Variants in RPTOR observed in about 807,000 individuals in gnomAD.
The protein encoded by RPTOR is regulatory-associated protein of mTOR.
A neutral mutation model predicts 169.9 loss-of-function variants in RPTOR; 21 were observed. The observed-to-expected ratio is 0.12, with a 90% confidence interval of 0.09 to 0.18. The LOEUF is 0.18. Ranked by LOEUF, RPTOR falls within the 10% of genes least tolerant of loss-of-function variation. The pLI, the probability that RPTOR is intolerant of heterozygous loss-of-function variation, is 1.00. For synonymous variants in RPTOR, 732 were observed against 753.2 expected, an observed-to-expected ratio of 0.97 and a Z score of 0.46; for missense variants, 1,133 against 1,855.9, an observed-to-expected ratio of 0.61 and a Z score of 7.16.
intron 1 of RPTOR, among the ~76,000 whole-genome samples, chr17:80,584,702 G>A (rs570501027): frequency 6.6e-6 from 1 of 152,260 alleles, no homozygotes; most frequent in South Asian, 2.1e-4. Context: ...TCAGCTTCAC[G>A]GGCCTGTCCG....
At chr17:80,955,484 C>T (rs1430569552) in intron 28 of RPTOR, among the ~76,000 whole-genome samples, 1 of 152,068 alleles carries the variant, frequency 6.6e-6, no homozygotes, top group African/African-American at 2.4e-5. Flanking sequence ...GGAAATCTTC[C>T]TAACAGTGAG....
chr17:80,850,201 C>T (rs1391892809), intron 11 of RPTOR, among the ~76,000 whole-genome samples: 1 of 152,188 alleles, frequency 6.6e-6, no homozygotes, highest in African/African-American at 2.4e-5. Flanking sequence ...AATTTCTCAG[C>T]CCTCAGCCCC....
chr17:80,630,465 A>G lies in RPTOR; in HGVS notation c.265+4672A>G, dbSNP rs185864125. Among the ~76,000 whole-genome samples, 16 of 152,318 alleles carry G rather than the reference A, an allele frequency of 1.1e-4. No individual in the cohort carries two copies. In the East Asian group the frequency reaches 2.9e-3, roughly 28 times the overall value. On this transcript the variant is annotated intron_variant, in intron 2 of 33. Transcript: ENST00000306801. Reference sequence around the variant, plus strand: ...AGATGTGTGCCTGCATGTGTGTATAAGTATGTATGTATGTATGCATGCATG... The same window carrying G: ...AGATGTGTGCCTGCATGTGTGTATAGGTATGTATGTATGTATGCATGCATG...
At chr17:80,585,619 C>G (rs914226020) in intron 1 of RPTOR, among the ~76,000 whole-genome samples, 2 of 152,294 alleles carry the variant, frequency 1.3e-5, no homozygotes, top group Non-Finnish European at 2.9e-5. Context: ...GTAGGGTGGT[C>G]CTGAGTGTGC....
chr17:80,634,635 GTGTGTGCATACTGTA>G (rs1363071283), intron 2 of RPTOR, among the ~76,000 whole-genome samples: 1 of 136,948 alleles, frequency 7.3e-6, no homozygotes, highest in African/African-American at 2.8e-5. Flanking sequence ...TGCGTACTGT[GTGTGTGCATACTGTA>G]TGTGCGTACT....
chr17:80,926,890 G>A (rs1389339668), intron 24 of RPTOR, among the ~76,000 whole-genome samples: 5 of 152,198 alleles, frequency 3.3e-5, no homozygotes, highest in South Asian at 2.1e-4. Context: ...CTTTAGAGTC[G>A]GGGGAAAAGA....
intron 9 of RPTOR, among the ~76,000 whole-genome samples, chr17:80,826,981 A>G (rs1184536519): frequency 6.6e-6 from 1 of 152,184 alleles, no homozygotes; most frequent in Non-Finnish European, 1.5e-5. Flanking sequence ...TGACGTGAGC[A>G]TGAAGGGAGC....
At chr17:80,551,707 C>T (rs1338611377) in intron 1 of RPTOR, among the ~76,000 whole-genome samples, 2 of 152,048 alleles carry the variant, frequency 1.3e-5, no homozygotes, top group Non-Finnish European at 2.9e-5. Flanking sequence ...GTCTCAACTG[C>T]AAGAGGCATG....
intron 11 of RPTOR, among the ~76,000 whole-genome samples, chr17:80,853,775 A>G (rs754425091): frequency 2.0e-5 from 3 of 152,200 alleles, no homozygotes; most frequent in Non-Finnish European, 2.9e-5. Flanking sequence ...TCAGGAGATC[A>G]AGACCATCCT....
At chr17:80,789,968 C>G (rs2067030731) in intron 6 of RPTOR, among the ~76,000 whole-genome samples, 1 of 152,194 alleles carries the variant, frequency 6.6e-6, no homozygotes, top group South Asian at 2.1e-4. Context: ...GACAAAGTAG[C>G]ATGGTTCGCA....
At chr17:80,797,932 G>A (rs560208872) in intron 7 of RPTOR, among the ~76,000 whole-genome samples, 108 of 152,268 alleles carry the variant, frequency 7.1e-4, no homozygotes, top group Non-Finnish European at 2.2e-4. Flanking sequence ...GCAGCCGTGC[G>A]GTACAGTTGA....
At chr17:80,962,348 C>A in intron 31 of RPTOR, 113 bp from the exon 32 acceptor site, 2 of 823,046 alleles carry the variant, frequency 2.4e-6, no homozygotes, top group Non-Finnish European at 4.0e-6. Context: ...TTTCCTTGAG[C>A]AGTGTGTGTG....
chr17:80,662,798 G>T (rs1193307911), intron 3 of RPTOR, among the ~76,000 whole-genome samples: 11 of 152,096 alleles, frequency 7.2e-5, no homozygotes, highest in Admixed American at 6.6e-4. Context: ...CTAATCTCAT[G>T]GCCTTTCATA....
Position 80,876,817 on chromosome 17 carries a change from G to A in RPTOR, c.1510-3598G>A, listed in dbSNP as rs71373052. On this transcript the variant is annotated intron_variant, in intron 13 of 33. Coordinates refer to ENST00000306801, the MANE Select transcript of RPTOR (RefSeq NM_020761.3). ...CCGTGCCACACAGGGTGTGTGTGTC[G>A]CCTGCCGGGTCTTCCACCGAGCCCG... Among the ~76,000 whole-genome samples the A allele has an allele frequency of 4.3e-4, 52 of 120,882 alleles. 1 individual carries two copies. Among genetic ancestry groups the A allele is most frequent in the African/African-American group, 1.6e-3 (47 of 30,172 alleles). 79.3% of individuals were successfully genotyped at this position (120,882 alleles called of 152,430 possible). A position where few individuals can be genotyped will look rare whatever the true frequency, so the allele number is the denominator to read the frequency against.
chr17:80,599,472 G>T (rs1458879791), intron 1 of RPTOR, among the ~76,000 whole-genome samples: 2 of 152,248 alleles, frequency 1.3e-5, no homozygotes, highest in African/African-American at 4.8e-5. Context: ...GGAGCCAGGT[G>T]TGGCCATAAT....
Position 80,746,475 on chromosome 17 carries a change from CT to C in RPTOR, c.655-7529del. Among the ~76,000 whole-genome samples, 1 of 152,352 alleles carries C rather than the reference CT, an allele frequency of 6.6e-6. No homozygotes were observed. The highest frequency in any genetic ancestry group is 1.9e-4 in the East Asian group (1 of 5,184). ...CACGTGGGAACAATGCAGCAGATGT[CT>C]TTTTTGGATCCGGTTGCTGTGTATC... On this transcript the variant is annotated intron_variant, in intron 5 of 33. Transcript: ENST00000306801. This position sits in a 1 kb window ranked among gnomAD's most constrained non-coding sequence, Gnocchi z 4.5.
At chr17:80,836,535 C>G (rs1176978957) in intron 9 of RPTOR, among the ~76,000 whole-genome samples, 1 of 152,168 alleles carries the variant, frequency 6.6e-6, no homozygotes, top group Non-Finnish European at 1.5e-5. Flanking sequence ...GCAGCTGACA[C>G]AAAGCAGGGG....
At chr17:80,741,075 T>C (rs563416974) in intron 5 of RPTOR, among the ~76,000 whole-genome samples, 9 of 152,296 alleles carry the variant, frequency 5.9e-5, no homozygotes, top group Non-Finnish European at 8.8e-5. Context: ...CCTTGCACAC[T>C]GCTGGTGGGA....
chr17:80,909,664 C>CCTGCTTTTAGGTTTTTTTA (rs2068588549), intron 21 of RPTOR: 1 of 152,196 alleles, frequency 6.6e-6, no homozygotes, highest in African/African-American at 2.4e-5. Context: ...CCACCACACC[C>CCTGCTTTTAGGTTTTTTTA]AGACTTTTCT....
Sources: gnomAD v4.1 joint callset for allele counts (sites outside exome capture counted in the v4.1 genomes callset) on GRCh38, gnomAD v4.1.1 for gene constraint, Gnocchi (gnomAD v3.1) non-coding constraint, MANE v1.5 for transcripts, NCBI Gene and HGNC (gene_info 2026-07-23, HGNC 2026-07-21) for gene names.